NAV3: variants seen among roughly 807,000 people sequenced by gnomAD.
NAV3 encodes neuron navigator 3, also known as pore membrane and/or filament interacting like protein 1.
NAV3 carries 87 observed loss-of-function variants against 244.7 expected under a neutral mutation model. The ratio of observed to expected loss-of-function variants is 0.36; its 90% confidence interval spans 0.30 to 0.42. The LOEUF is 0.42. Ranked by LOEUF, NAV3 falls within the 20% of genes least tolerant of loss-of-function variation. NAV3 has a pLI of 1.00. For missense variants in NAV3, 2,663 were observed against 2,893.3 expected, an observed-to-expected ratio of 0.92 and a Z score of 1.83; for synonymous variants, 1,126 against 1,042.2, an observed-to-expected ratio of 1.08 and a Z score of -1.55.
chr12:78,047,700 T>A (rs1280140767), intron 9 of NAV3, among the ~76,000 whole-genome samples: 1 of 152,174 alleles, frequency 6.6e-6, no homozygotes, highest in Non-Finnish European at 1.5e-5. Context: ...GTTGCTCTTC[T>A]CAAAGAGTAT....
At chr12:78,128,960 A>T in intron 18 of NAV3, 94 bp downstream of exon 18, 1 of 1,202,022 alleles carries the variant, frequency 8.3e-7, no homozygotes, top group Non-Finnish European at 1.2e-6. Flanking sequence ...ACACGTTTTC[A>T]TTTAAAGGGA....
chr12:77,779,885 A>G (rs891730942), intron 2 of NAV3, among the ~76,000 whole-genome samples: 4 of 152,226 alleles, frequency 2.6e-5, no homozygotes, highest in Non-Finnish European at 5.9e-5. Flanking sequence ...GCCTCTTTGC[A>G]TCTTAAACAG....
At chr12:77,902,849 G>A (rs1318234058) in intron 1 of NAV3, among the ~76,000 whole-genome samples, 19 of 151,876 alleles carry the variant, frequency 1.3e-4, no homozygotes, top group African/African-American at 2.4e-4. Context: ...TACACCAATA[G>A]CAGACAAACA....
intron 2 of NAV3, among the ~76,000 whole-genome samples, chr12:77,821,314 T>C (rs1872737468): frequency 6.6e-6 from 1 of 152,198 alleles, no homozygotes; most frequent in African/African-American, 2.4e-5. Context: ...AACTCATTAC[T>C]TAGATTAAAA....
intron 1 of NAV3, among the ~76,000 whole-genome samples, chr12:77,853,372 C>T (rs974411097): frequency 2.6e-5 from 4 of 152,190 alleles, no homozygotes; most frequent in African/African-American, 9.7e-5. Context: ...ACATTTTCTG[C>T]ACATGAGTCC....
In NAV3 at chr12:77,757,229, C is replaced by T. The variant is rs921275034; in HGVS notation, c.73-183090C>T. Among the ~76,000 whole-genome samples the T allele has an allele frequency of 6.6e-5, 10 of 152,142 alleles. No homozygotes were observed. The East Asian group carries it at 1.9e-3, about 29-fold the overall frequency. Reference sequence around the variant, plus strand: ...TCTTACACCTTCTGCTCAGGGGAGGCACATGTTTCATGTCTCTCCTACTCA... The same window carrying T: ...TCTTACACCTTCTGCTCAGGGGAGGTACATGTTTCATGTCTCTCCTACTCA... On this transcript the variant is annotated intron_variant, in intron 2 of 8. Transcript: ENST00000550042.
intron 12 of NAV3, among the ~76,000 whole-genome samples, chr12:78,113,562 G>A (rs1390679053): frequency 6.6e-6 from 1 of 152,088 alleles, no homozygotes; most frequent in Non-Finnish European, 1.5e-5. Flanking sequence ...CTGTACCTTG[G>A]CCCTTATTAG....
chr12:77,756,283 A>C (rs1869173881), intron 2 of NAV3, among the ~76,000 whole-genome samples: 1 of 152,228 alleles, frequency 6.6e-6, no homozygotes, highest in African/African-American at 2.4e-5. Flanking sequence ...AATCATAGGC[A>C]TAAATAAGCT....
At chr12:77,613,909 G>A (rs900950235) in intron 2 of NAV3, among the ~76,000 whole-genome samples, 9 of 151,880 alleles carry the variant, frequency 5.9e-5, no homozygotes, top group African/African-American at 1.9e-4. Flanking sequence ...TGATGAACCC[G>A]TGATTCTAGT....
At chr12:77,589,340 C>T (rs1192653069) in intron 2 of NAV3, among the ~76,000 whole-genome samples, 1 of 137,964 alleles carries the variant, frequency 7.2e-6, no homozygotes, top group Non-Finnish European at 1.6e-5. Context: ...GTCACTTCCA[C>T]ATTTTCAAGT....
intron 2 of NAV3, among the ~76,000 whole-genome samples, chr12:77,573,016 C>T (rs554570160): frequency 6.6e-6 from 1 of 152,158 alleles, no homozygotes; most frequent in Non-Finnish European, 1.5e-5. Flanking sequence ...GAGAGCCCCA[C>T]TCGTACTGAA....
intron 1 of NAV3, among the ~76,000 whole-genome samples, chr12:77,878,687 G>A (rs1359921249): frequency 6.7e-6 from 1 of 149,678 alleles, no homozygotes; most frequent in African/African-American, 2.5e-5. Flanking sequence ...AAAAAACAAG[G>A]TCTTTTTTTA....
chr12:77,688,705 A>G (rs1874868613), intron 2 of NAV3, among the ~76,000 whole-genome samples: 1 of 151,934 alleles, frequency 6.6e-6, no homozygotes, highest in African/African-American at 2.4e-5. Context: ...TAAAGTTTTA[A>G]TAGAATAGTG....
intron 2 of NAV3, among the ~76,000 whole-genome samples, chr12:77,689,302 A>G (rs1346274587): frequency 6.6e-6 from 1 of 151,962 alleles, no homozygotes; most frequent in African/African-American, 2.4e-5. Flanking sequence ...CACTAAAATC[A>G]CTGAATGAAT....
chr12:78,125,056 C>A (rs1955845823), intron 16 of NAV3, among the ~76,000 whole-genome samples: 1 of 152,032 alleles, frequency 6.6e-6, no homozygotes, highest in African/African-American at 2.4e-5. Flanking sequence ...TTGCTCTAAT[C>A]CTTTCAAGTA....
intron 1 of NAV3, among the ~76,000 whole-genome samples, chr12:77,913,298 T>A (rs1345927862): frequency 6.6e-6 from 1 of 152,126 alleles, no homozygotes; most frequent in Non-Finnish European, 1.5e-5. Context: ...ATATAATACC[T>A]TTATTCTTAT....
chr12:77,769,934 T>A (rs1319907941), intron 2 of NAV3, among the ~76,000 whole-genome samples: 6 of 152,050 alleles, frequency 3.9e-5, no homozygotes, highest in African/African-American at 9.7e-5. Context: ...AACTAGGATA[T>A]TTTTTTTCTT....
At chr12:78,157,697 T>C (rs1224210167) in intron 22 of NAV3, among the ~76,000 whole-genome samples, 1 of 152,120 alleles carries the variant, frequency 6.6e-6, no homozygotes, top group Non-Finnish European at 1.5e-5. Context: ...GATACTTTTT[T>C]TTAGTGGTAT....
At chr12:78,121,549 G>T (rs1486676126) in intron 15 of NAV3, among the ~76,000 whole-genome samples, 1 of 152,092 alleles carries the variant, frequency 6.6e-6, no homozygotes, top group Non-Finnish European at 1.5e-5. Context: ...TCATTTAAGT[G>T]TTGTCTATCG....
Sources: allele counts gnomAD v4.1 joint callset (sites outside exome capture counted in the v4.1 genomes callset), GRCh38; gene constraint gnomAD v4.1.1; transcripts MANE v1.5; gene names NCBI Gene and HGNC (gene_info 2026-07-23, HGNC 2026-07-21).